The following MYLK variants were observed in gnomAD, a reference collection of about 807,000 sequenced individuals.
MYLK encodes myosin light chain kinase, smooth muscle.
In MYLK, 106 loss-of-function variants were observed where a neutral mutation model predicts 203.4. That is an observed-to-expected ratio of 0.52 (90% CI 0.45 to 0.61). MYLK has a LOEUF of 0.61. Among genes scored for constraint, MYLK ranks in the 20% least tolerant of loss-of-function variants. The pLI is 0.00. For missense variants in MYLK, 2,072 were observed against 2,442.3 expected (o/e 0.85, Z 3.20); for synonymous variants, 867 against 959.5 (o/e 0.90, Z 1.78).
intron 23 of MYLK, 126 bp from the exon 24 acceptor site, chr3:123,657,554 G>A (rs716589): frequency 0.033 from 29,055 of 890,176 alleles, 593 homozygotes; most frequent in Middle Eastern, 0.063. Flanking sequence ...CTGGTCCTGC[G>A]TCTCTTTCCC....
intron 5 of MYLK, 89 bp downstream of exon 5, chr3:123,752,242 C>T (rs1560172712): frequency 3.7e-6 from 5 of 1,369,148 alleles, no homozygotes; most frequent in East Asian, 2.3e-5. Flanking sequence ...GTTCCTCCAT[C>T]CTTCAAGAGA....
At chr3:123,761,856 T>A (rs766472574) in intron 4 of MYLK, among the ~76,000 whole-genome samples, 1 of 152,016 alleles carries the variant, frequency 6.6e-6, no homozygotes, top group Non-Finnish European at 1.5e-5. Context: ...TGAAACCTCG[T>A]CTCTACTAAA....
At chr3:123,720,229 T>C (rs1194605716) in intron 13 of MYLK, among the ~76,000 whole-genome samples, 1 of 152,144 alleles carries the variant, frequency 6.6e-6, no homozygotes, top group Non-Finnish European at 1.5e-5. Context: ...GTGGTGATCC[T>C]TCAGGTCCCA....
At chr3:123,787,010 A>T (rs1450594828) in intron 4 of MYLK, among the ~76,000 whole-genome samples, 2 of 152,224 alleles carry the variant, frequency 1.3e-5, no homozygotes, top group African/African-American at 4.8e-5. Context: ...TTAGCATTTA[A>T]ATCATGCTTT....
chr3:123,768,452 C>T (rs2063772538), intron 4 of MYLK, among the ~76,000 whole-genome samples: 1 of 152,168 alleles, frequency 6.6e-6, no homozygotes, highest in African/African-American at 2.4e-5. Context: ...TCAGTAAGGA[C>T]AGCCCTGACC....
In MYLK at chr3:123,648,633, G is replaced by A. The variant is rs953194407; in HGVS notation, c.4415+338C>T. On this transcript the variant is annotated intron_variant, in intron 26 of 33. Transcript: ENST00000360304. The surrounding 1 kb of genome is among the most constrained non-coding windows in gnomAD (Gnocchi z 4.5). ...TCTTCTCCCTAATGTTCTGCTCCCC[G>A]CACCCCCTGCTCTCCCCTGACAGGC... 3.3e-5 allele frequency among the ~76,000 whole-genome samples: 5 copies of A among 151,938 alleles called. No homozygotes were observed. Among genetic ancestry groups the A allele is most frequent in the Non-Finnish European group, 5.9e-5 (4 of 68,004 alleles).
intron 4 of MYLK, among the ~76,000 whole-genome samples, chr3:123,758,660 G>T (rs1323162964): frequency 6.6e-6 from 1 of 152,046 alleles, no homozygotes; most frequent in African/African-American, 2.4e-5. Flanking sequence ...CCGTAGCTGG[G>T]GGTTACAATT....
chr3:123,634,369 G>C (rs1257932188), intron 29 of MYLK, among the ~76,000 whole-genome samples: 1 of 152,204 alleles, frequency 6.6e-6, no homozygotes, highest in Non-Finnish European at 1.5e-5. Context: ...GAGGAGCCCT[G>C]CAGTCAGACC....
intron 23 of MYLK, chr3:123,659,801 C>T (rs570068718): frequency 4.8e-6 from 2 of 419,796 alleles, no homozygotes; most frequent in Admixed American, 2.5e-5. Context: ...GGAGACTCCA[C>T]ATTTCCTCTG....
At chr3:123,861,385 C>A (rs1049196568) in intron 2 of MYLK, among the ~76,000 whole-genome samples, 6 of 152,244 alleles carry the variant, frequency 3.9e-5, no homozygotes, top group Admixed American at 2.0e-4. Context: ...ATCTTAAATA[C>A]AGAGGTACTA....
intron 31 of MYLK, chr3:123,621,936 C>G (rs1432190657): frequency 1.3e-5 from 2 of 152,290 alleles, no homozygotes; most frequent in Non-Finnish European, 2.9e-5. Context: ...CCGTGTGGCC[C>G]TGCGGAGAAT....
intron 16 of MYLK, among the ~76,000 whole-genome samples, chr3:123,705,935 T>C (rs2061444978): frequency 1.3e-5 from 2 of 152,188 alleles, no homozygotes; most frequent in South Asian, 4.1e-4. Flanking sequence ...ACATCATCGG[T>C]TTCCATTCTT....
At position 123,884,303 on chromosome 3, in the gene MYLK, C is replaced by T. The variant is rs2033722960; in HGVS notation, c.-283G>A. On this transcript the variant is annotated 5_prime_UTR_variant, in exon 1 of 34. Coordinates refer to ENST00000360304, the MANE Select transcript of MYLK (RefSeq NM_053025.4). The stretch of plus-strand genomic sequence containing the variant: ...GCGGGCTCCGAGCTCGCTCAGCGCC[C>T]TGCTGCCGACCGGGCGGCGCGGGGA... 1 of 145,192 alleles carries T rather than the reference C, an allele frequency of 6.9e-6. No homozygotes were observed. Among genetic ancestry groups the T allele is most frequent in the African/African-American group, 2.5e-5 (1 of 40,242 alleles). 9.0% of individuals were successfully genotyped at this position (145,192 alleles called of 1,614,324 possible). A position where few individuals can be genotyped will look rare whatever the true frequency, so the allele number is the denominator to read the frequency against.
At chr3:123,670,034 C>CAAAA (rs57445681) in intron 20 of MYLK, among the ~76,000 whole-genome samples, 1,207 of 36,982 alleles carry the variant, frequency 0.033, 126 homozygotes, top group East Asian at 0.3. Context: ...GACTCCATCT[C>CAAAA]AAAAAAAAAA....
chr3:123,682,064 G>A (rs2060284084), intron 20 of MYLK, 160 bp downstream of exon 20: 2 of 697,306 alleles, frequency 2.9e-6, no homozygotes, highest in South Asian at 3.0e-5. Flanking sequence ...TCTGTTATTG[G>A]GAGTTCACTG....
rs865903260 is a variant in MYLK, at chr3:123,700,860, G to C, written c.2608C>G (p.Arg870Gly). 18 of 1,613,402 alleles carry C rather than the reference G, an allele frequency of 1.1e-5. No homozygotes were observed. The highest frequency in any genetic ancestry group is 1.4e-5 in the Non-Finnish European group (16 of 1,180,018). Residue 870 changes from arginine (R) to glycine (G), a missense_variant, in exon 18 of 34, where the codon CGA (arginine) becomes GGA (glycine). Physicochemically the swap from Arg to Gly is moderately radical, Grantham distance 125 (BLOSUM62 -2). Transcript: ENST00000360304. ...TCCACGCGCCTCTTCAGCACCCCTC[G>C]CACGTCCTCGCCGTCTTCCTCCTCT... ...WLEEEDGEDV[R>G]GVLKRRVETR...
At chr3:123,626,263 T>C (rs1274472065) in intron 31 of MYLK, among the ~76,000 whole-genome samples, 1 of 152,198 alleles carries the variant, frequency 6.6e-6, no homozygotes, top group African/African-American at 2.4e-5. Context: ...CTCATAATTA[T>C]CACAACAATG....
chr3:123,639,096 T>C (rs1354776614), intron 28 of MYLK: 59 of 981,514 alleles, frequency 6.0e-5, no homozygotes, highest in Non-Finnish European at 7.1e-5. Context: ...AAGCTGGACA[T>C]TGTGTTCCCT....
intron 2 of MYLK, among the ~76,000 whole-genome samples, chr3:123,865,889 T>C (rs953132072): frequency 6.6e-6 from 1 of 152,176 alleles, no homozygotes; most frequent in African/African-American, 2.4e-5. Flanking sequence ...CTGGCTCTCA[T>C]GGAATGCTCC....
Sources: gnomAD v4.1 joint callset for allele counts (sites outside exome capture counted in the v4.1 genomes callset) on GRCh38, gnomAD v4.1.1 for gene constraint, Gnocchi (gnomAD v3.1) non-coding constraint, MANE v1.5 for transcripts, NCBI Gene and HGNC (gene_info 2026-07-23, HGNC 2026-07-21) for gene names.